The following KDM4C variants were observed in gnomAD, a reference collection of about 807,000 sequenced individuals.
The protein encoded by KDM4C is lysine-specific demethylase 4C.
KDM4C carries 81 observed loss-of-function variants against 129.3 expected under a neutral mutation model. The observed-to-expected ratio is 0.63, with a 90% CI of 0.52 to 0.75. The LOEUF (loss-of-function observed/expected upper bound fraction) is 0.75. Ranked by LOEUF, KDM4C falls within the 30% of genes least tolerant of loss-of-function variation. KDM4C has a pLI of 0.00. For synonymous variants in KDM4C, 573 were observed against 456.1 expected (o/e 1.26, Z -3.26); for missense variants, 1,457 against 1,304.0 (o/e 1.12, Z -1.81).
intron 1 of KDM4C, among the ~76,000 whole-genome samples, chr9:6,752,161 G>A (rs1818092129): frequency 4.0e-5 from 6 of 149,778 alleles, no homozygotes; most frequent in Admixed American, 3.3e-4. Flanking sequence ...GTGAAACCCC[G>A]TCTCTACTAA....
upstream of KDM4C, among the ~76,000 whole-genome samples, chr9:6,755,167 C>G (rs1818199362): frequency 6.6e-6 from 1 of 152,126 alleles, no homozygotes. Context: ...GTCAGGAGAT[C>G]AAGACTATCC....
chr9:6,743,559 G>C (rs1237801581), intron 1 of KDM4C, among the ~76,000 whole-genome samples: 1 of 151,222 alleles, frequency 6.6e-6, no homozygotes, highest in Non-Finnish European at 1.5e-5. Flanking sequence ...CCAGGCTGGA[G>C]TGCAGTGGTG....
intron 3 of KDM4C, among the ~76,000 whole-genome samples, chr9:6,808,975 T>G (rs1023752414): frequency 1.1e-4 from 17 of 151,968 alleles, no homozygotes; most frequent in African/African-American, 4.1e-4. Context: ...CAACAAAAAA[T>G]CATAGTTTCC....
At chr9:6,998,559 GC>G (rs1237751180) in intron 12 of KDM4C, among the ~76,000 whole-genome samples, 1 of 152,182 alleles carries the variant, frequency 6.6e-6, no homozygotes, top group Non-Finnish European at 1.5e-5. Flanking sequence ...ACTTTGGGAG[GC>G]CGAGGCAGGC....
chr9:7,110,440 G>A (rs1248521057), intron 18 of KDM4C, among the ~76,000 whole-genome samples: 1 of 152,066 alleles, frequency 6.6e-6, no homozygotes, highest in East Asian at 1.9e-4. Flanking sequence ...GTTCTAACTT[G>A]AGGGCTTATT....
At chr9:6,807,801 T>C (rs1320371988) in intron 3 of KDM4C, among the ~76,000 whole-genome samples, 1 of 90,588 alleles carries the variant, frequency 1.1e-5, no homozygotes, top group Non-Finnish European at 2.2e-5. Context: ...GGGGGGGGGG[T>C]CAGCCCCCCG....
Position 7,015,858 on chromosome 9 carries a change from T to C in KDM4C, c.2188T>C (p.Tyr730His). 2 of 1,609,692 alleles carry C rather than the reference T, an allele frequency of 1.2e-6. No individual in the cohort carries two copies. Among genetic ancestry groups the C allele is most frequent in the Non-Finnish European group, 1.7e-6 (2 of 1,176,174 alleles). ...KCCVRVHASC[Y>H]GIPSHEICDG... ...TACATACTATTATTTTATAGGTTGT[T>C]ATGGTATTCCTTCTCATGAGATCTG... The change falls in exon 15 of 22, where the codon TAT becomes CAT. Residue 730 changes from tyrosine (Y) to histidine (H), a missense_variant. Tyr to His is a moderately conservative substitution (Grantham distance 83). Transcript: ENST00000381309.
chr9:6,977,016 T>A (rs1362646574), intron 8 of KDM4C, among the ~76,000 whole-genome samples: 1 of 152,160 alleles, frequency 6.6e-6, no homozygotes, highest in African/African-American at 2.4e-5. Context: ...TGAGATTAAT[T>A]TTTGTATTTT....
intron 17 of KDM4C, among the ~76,000 whole-genome samples, chr9:7,060,451 G>GTTATCA (rs1164003659): frequency 7.2e-6 from 1 of 138,226 alleles, no homozygotes; most frequent in Non-Finnish European, 1.6e-5. Context: ...TAGCAGTATT[G>GTTATCA]TTGTTATTAT....
At chr9:6,858,616 A>G (rs546606672) in intron 5 of KDM4C, among the ~76,000 whole-genome samples, 7 of 152,238 alleles carry the variant, frequency 4.6e-5, no homozygotes, top group African/African-American at 1.7e-4. Context: ...TCTACTAAAT[A>G]TGAAAAGTTA....
intron 2 of KDM4C, among the ~76,000 whole-genome samples, chr9:6,793,518 C>T (rs1006322027): frequency 1.3e-5 from 2 of 150,294 alleles, no homozygotes; most frequent in African/African-American, 4.9e-5. Flanking sequence ...TTCTTTCCTT[C>T]TATGTTTTTT....
chr9:6,975,369 A>G (rs1832744382), intron 8 of KDM4C, among the ~76,000 whole-genome samples: 1 of 152,230 alleles, frequency 6.6e-6, no homozygotes, highest in African/African-American at 2.4e-5. Flanking sequence ...AAGAAGATTG[A>G]GATGGAAAAA....
intron 5 of KDM4C, among the ~76,000 whole-genome samples, chr9:6,856,583 T>TGTGTGTGTGTG (rs1491295273): frequency 7.6e-6 from 1 of 132,206 alleles, no homozygotes; most frequent in Non-Finnish European, 1.6e-5. Flanking sequence ...TGTGTGTGTA[T>TGTGTGTGTGTG]TTTTTTTTGA....
Position 6,814,706 on chromosome 9 carries a change from T to A in KDM4C, c.396T>A (p.Pro132=). ...GGAAGAACTTAACTTTTGTGGCACC[T>A]ATCTATGGTGCAGATATTAATGGGA... ...KYWKNLTFVA[P]IYGADINGSI... is the part of the protein sequence containing the mutation. The change falls in exon 4 of 22, where the codon CCT becomes CCA. Residue 132 remains proline (P), a synonymous_variant. Coordinates refer to ENST00000381309, the MANE Select transcript of KDM4C (RefSeq NM_015061.6). 5 of 1,610,246 alleles carry A rather than the reference T, an allele frequency of 3.1e-6. No homozygotes were observed. The highest frequency in any genetic ancestry group is 4.2e-6 in the Non-Finnish European group (5 of 1,177,262).
At chr9:7,162,040 A>C (rs1221930306) in intron 19 of KDM4C, among the ~76,000 whole-genome samples, 4 of 152,214 alleles carry the variant, frequency 2.6e-5, no homozygotes, top group Non-Finnish European at 2.9e-5. Context: ...GTAAATACTG[A>C]ATTTTACATA....
intron 17 of KDM4C, among the ~76,000 whole-genome samples, chr9:7,086,538 A>G (rs1319715314): frequency 6.6e-6 from 1 of 152,172 alleles, no homozygotes; most frequent in Non-Finnish European, 1.5e-5. Flanking sequence ...TCTCAGTTCC[A>G]GTCCATCTGC....
rs557929179 is a variant in KDM4C at position 7,088,094 on chromosome 9, A to C, written c.2425-15591A>C. Among the ~76,000 whole-genome samples, 16 of 152,302 alleles carry C rather than the reference A, an allele frequency of 1.1e-4. No individual in the cohort carries two copies. In the South Asian group the frequency reaches 1.2e-3, roughly 12 times the overall value. Reference sequence around the variant, plus strand: ...AGAGATGGACAGTGTCTTTAGCAGGATTCTCTGATTCCTCGTGATTTTGGT... The same window carrying C: ...AGAGATGGACAGTGTCTTTAGCAGGCTTCTCTGATTCCTCGTGATTTTGGT... On this transcript the variant is annotated intron_variant, in intron 17 of 21. Transcript: ENST00000381309.
intron 12 of KDM4C, among the ~76,000 whole-genome samples, chr9:6,996,234 C>CT (rs1351540805): frequency 3.9e-5 from 6 of 152,198 alleles, no homozygotes. Context: ...ATCAGCAGCA[C>CT]TTTAATCGTG....
At chr9:7,072,339 TATATC>T (rs1308919181) in intron 17 of KDM4C, among the ~76,000 whole-genome samples, 4 of 152,336 alleles carry the variant, frequency 2.6e-5, no homozygotes, top group Middle Eastern at 3.4e-3. Flanking sequence ...TATGTTTACA[TATATC>T]ATAATCACCC....
Sources: gnomAD v4.1 joint callset for allele counts (sites outside exome capture counted in the v4.1 genomes callset) on GRCh38, gnomAD v4.1.1 for gene constraint, MANE v1.5 for transcripts, NCBI Gene and HGNC (gene_info 2026-07-23, HGNC 2026-07-21) for gene names.